Variants in BRD4 observed in about 807,000 individuals in gnomAD.
The protein encoded by BRD4 is bromodomain containing 4, also known as bromodomain-containing protein 4.
BRD4 carries 16 observed loss-of-function variants against 142.1 expected under a neutral mutation model. The observed-to-expected ratio is 0.11, with a 90% CI of 0.08 to 0.17. The LOEUF (loss-of-function observed/expected upper bound fraction) is 0.17. BRD4 is among the 10% of genes least tolerant of loss of function. The probability of loss-of-function intolerance (pLI) is 1.00; values close to 1 mark genes in which losing one functional copy is unlikely to be tolerated. For synonymous variants in BRD4, 833 were observed against 707.5 expected, an observed-to-expected ratio of 1.18 and a Z score of -2.82; for missense variants, 1,424 against 1,810.9, an observed-to-expected ratio of 0.79 and a Z score of 3.88.
At chr19:15,253,451 AC>A (rs1464049329) in intron 11 of BRD4, 1 of 1,143,148 alleles carries the variant, frequency 8.7e-7, no homozygotes, top group Non-Finnish European at 1.2e-6. Flanking sequence ...CTAATGGGGA[AC>A]CCAGGGTCCA....
chr19:15,243,455 G>A lies in BRD4; in HGVS notation c.2614C>T (p.Arg872Trp), dbSNP rs2047257528. ...AGGGCAGCGGCTCGGTTGCTGGGCC[G>A]TGATGGCTGCTGGGGTAGTGCGTTG... ...LHNALPQQPS[R>W]PSNRAAALPP... The change falls in exon 14 of 20, where the codon CGG becomes TGG. Residue 872 changes from arginine (R) to tryptophan (W), a missense_variant. Transcript: ENST00000679869. The A allele has an allele frequency of 1.3e-6, 2 of 1,577,858 alleles. No homozygotes were observed. The highest frequency in any genetic ancestry group is 1.7e-6 in the Non-Finnish European group (2 of 1,164,280).
intron 11 of BRD4, among the ~76,000 whole-genome samples, chr19:15,245,293 C>T (rs2047275661): frequency 6.6e-6 from 1 of 152,026 alleles, no homozygotes. Context: ...TTCCATCCTC[C>T]AAAGGGAAGC....
At chr19:15,276,846 G>A (rs1157066528) in intron 1 of BRD4, among the ~76,000 whole-genome samples, 6 of 152,200 alleles carry the variant, frequency 3.9e-5, no homozygotes, top group Non-Finnish European at 5.9e-5. Context: ...GCAATACATG[G>A]GGTGAATACT....
At chr19:15,254,460 C>T (rs943436029) in intron 10 of BRD4, among the ~76,000 whole-genome samples, 198 bp from the exon 11 acceptor site, 23 of 152,300 alleles carry the variant, frequency 1.5e-4, no homozygotes, top group African/African-American at 4.8e-4. Flanking sequence ...AGACTGCTTA[C>T]AATGGAATTT....
At chr19:15,288,606 G>C (rs1812722393) in intron 1 of BRD4, among the ~76,000 whole-genome samples, 1 of 152,178 alleles carries the variant, frequency 6.6e-6, no homozygotes, top group Non-Finnish European at 1.5e-5. Flanking sequence ...GCACAGAACA[G>C]CTTCACAGTC....
In BRD4 at chr19:15,236,226, T is replaced by C. The variant is rs2047191042; in HGVS notation, c.*2151A>G. 6.6e-6 allele frequency: 1 copy of C among 152,252 alleles called. No homozygotes were observed. The highest frequency in any genetic ancestry group is 1.5e-5 in the Non-Finnish European group (1 of 68,054). 9.4% of individuals were successfully genotyped at this position (152,252 alleles called of 1,614,324 possible). A position where few individuals can be genotyped will look rare whatever the true frequency, so the allele number is the denominator to read the frequency against. On this transcript the variant is annotated 3_prime_UTR_variant, in exon 20 of 20. Transcript: ENST00000679869. The stretch of plus-strand genomic sequence containing the variant: ...TTTGTCTCTGCATACATATAAATTA[T>C]ATACTTGTATCTTACATCTTAGGGG...
intron 1 of BRD4, among the ~76,000 whole-genome samples, chr19:15,307,689 G>A (rs573809980): frequency 4.6e-4 from 70 of 152,142 alleles, no homozygotes; most frequent in Non-Finnish European, 8.5e-4. Flanking sequence ...GCTGAGGAGG[G>A]AAGAGGATGT....
intron 1 of BRD4, among the ~76,000 whole-genome samples, chr19:15,289,665 C>CAAAA (rs34191233): frequency 8.7e-6 from 1 of 115,528 alleles, no homozygotes; most frequent in Non-Finnish European, 1.9e-5. Flanking sequence ...GGTTTTGATC[C>CAAAA]AAAAAAAAAA....
At chr19:15,255,181 T>G (rs538177577) in intron 10 of BRD4, 116 bp downstream of exon 10, 13 of 1,044,130 alleles carry the variant, frequency 1.2e-5, no homozygotes, top group Admixed American at 2.9e-5. Flanking sequence ...ACACAGATAT[T>G]ATAATTGGAA....
rs554204173 is a variant in BRD4, at chr19:15,249,015, AG to A, written c.2159-4254del. The A allele has an allele frequency of 1.7e-3, 957 of 562,264 alleles. No homozygotes were observed. The highest frequency in any genetic ancestry group is 2.1e-3 in the Non-Finnish European group (665 of 313,988). The allele number at this position is 562,264 out of a possible 1,614,324, so 34.8% of individuals were successfully genotyped here. ...CCCACCCAGAGGACCCCAGAGAACC[AG>A]GAAGGCTGGGCAGGACAGCCAGGCA... On this transcript the variant is annotated intron_variant, in intron 11 of 19. Coordinates refer to ENST00000679869, the MANE Select transcript of BRD4 (RefSeq NM_001379291.1).
intron 11 of BRD4, chr19:15,253,680 A>G (rs774281260): frequency 6.3e-7 from 1 of 1,598,384 alleles, no homozygotes; most frequent in East Asian, 2.2e-5. Flanking sequence ...TCTGCTCCAC[A>G]TCCACCAGAA....
Position 15,238,603 on chromosome 19 carries a change from T to C in BRD4, c.4020+140A>G, listed in dbSNP as rs1317559455. ...CACACAGCACTCAGGGCCCTACAGCTGAGTCCAGAGGACCACATGCCGACC... is the reference window on the plus strand; with the variant it reads ...CACACAGCACTCAGGGCCCTACAGCCGAGTCCAGAGGACCACATGCCGACC... On this transcript the variant is annotated intron_variant, in intron 19 of 19. Transcript: ENST00000679869. The surrounding 1 kb of genome is among the most constrained non-coding windows in gnomAD (Gnocchi z 7.2). 4.7e-6 allele frequency: 7 copies of C among 1,479,118 alleles called. No individual in the cohort carries two copies. The African/African-American group carries it at 5.7e-5, about 12-fold the overall frequency. The allele number at this position is 1,479,118 out of a possible 1,614,324, so 91.6% of individuals were successfully genotyped here. A position where few individuals can be genotyped will look rare whatever the true frequency, so the allele number is the denominator to read the frequency against.
At chr19:15,263,280 T>C (rs542650171) in intron 7 of BRD4, 140 bp downstream of exon 7, 10 of 1,107,376 alleles carry the variant, frequency 9.0e-6, no homozygotes, top group African/African-American at 6.3e-5. Flanking sequence ...AGGCTGACTT[T>C]AGGCACTTTT....
intron 1 of BRD4, among the ~76,000 whole-genome samples, chr19:15,313,104 GC>G (rs2047986538): frequency 6.6e-6 from 1 of 152,072 alleles, no homozygotes; most frequent in Admixed American, 6.6e-5. Flanking sequence ...GGGCACGGTG[GC>G]TCACGCCCGT....
intron 1 of BRD4, among the ~76,000 whole-genome samples, chr19:15,280,613 T>G (rs1353479791): frequency 6.6e-6 from 1 of 152,190 alleles, no homozygotes; most frequent in Non-Finnish European, 1.5e-5. Context: ...AGTTGTTATT[T>G]ATGCTTCCCA....
chr19:15,318,076 T>C (rs189122960), intron 1 of BRD4, among the ~76,000 whole-genome samples: 2 of 152,338 alleles, frequency 1.3e-5, no homozygotes, highest in Admixed American at 1.3e-4. Context: ...GCACCACCTT[T>C]CACAGAACTC....
At position 15,243,318 on chromosome 19, in the gene BRD4, CTCT is replaced by C; in HGVS notation, c.2748_2750del (p.Glu917del). On this transcript the variant is annotated inframe_deletion, in exon 14 of 20. Transcript: ENST00000679869. ...TGGAGGTGAGGGGTGGGGCAGGTGG[CTCT>C]TCATCCTCCAGCAGCACTTGGGGGG... 1 of 1,447,104 alleles carries C rather than the reference CTCT, an allele frequency of 6.9e-7. No individual in the cohort carries two copies. Among genetic ancestry groups the C allele is most frequent in the Admixed American group, 2.7e-5 (1 of 37,286 alleles). 89.6% of individuals were successfully genotyped at this position (1,447,104 alleles called of 1,614,324 possible).
At chr19:15,245,504 C>T (rs1483938983) in intron 11 of BRD4, among the ~76,000 whole-genome samples, 1 of 152,190 alleles carries the variant, frequency 6.6e-6, no homozygotes. Context: ...GCAGCATACG[C>T]CCCCACTCGT....
intron 7 of BRD4, among the ~76,000 whole-genome samples, chr19:15,258,180 A>G (rs1467881143): frequency 6.6e-6 from 1 of 152,176 alleles, no homozygotes; most frequent in African/African-American, 2.4e-5. Flanking sequence ...TGCTTCAGAG[A>G]GGACCACGGC....
Sources: allele counts gnomAD v4.1 joint callset (sites outside exome capture counted in the v4.1 genomes callset), GRCh38; gene constraint gnomAD v4.1.1; non-coding constraint Gnocchi (gnomAD v3.1); transcripts MANE v1.5; gene names NCBI Gene and HGNC (gene_info 2026-07-23, HGNC 2026-07-21).